TRAPPC3L: variants seen among roughly 807,000 people sequenced by gnomAD.
The protein encoded by TRAPPC3L is trafficking protein particle complex subunit 3-like protein.
TRAPPC3L carries 23 observed loss-of-function variants against 23.7 expected under a neutral mutation model. The ratio of observed to expected loss-of-function variants is 0.97; its 90% confidence interval spans 0.70 to 1.37. The LOEUF (loss-of-function observed/expected upper bound fraction) is 1.37. TRAPPC3L is among the 40% of genes most tolerant of loss of function. The pLI is 0.00. For missense variants in TRAPPC3L, 212 were observed against 216.8 expected (o/e 0.98, Z 0.14); for synonymous variants, 81 against 77.9 (o/e 1.04, Z -0.21).
chr6:116,500,998 G>A (rs1771902531), intron 3 of TRAPPC3L, among the ~76,000 whole-genome samples: 1 of 152,208 alleles, frequency 6.6e-6, no homozygotes, highest in African/African-American at 2.4e-5. Flanking sequence ...TGGACAGTGG[G>A]TGTGGCCCAT....
In TRAPPC3L at chr6:116,532,505, C is replaced by G. The variant is rs772907569; in HGVS notation, c.240+7858G>C. Among the ~76,000 whole-genome samples the G allele has an allele frequency of 3.4e-4, 52 of 152,266 alleles. 1 individual carries two copies. The highest frequency in any genetic ancestry group is 3.3e-3 in the Admixed American group (51 of 15,302). ...AATCCCAAGAATGCTATAAATGATC[C>G]CTCCTTTGGAAAAACTTACAGATCT... On this transcript the variant is annotated intron_variant, in intron 3 of 4. Coordinates refer to ENST00000368602, the MANE Select transcript of TRAPPC3L (RefSeq NM_001139444.3).
intron 3 of TRAPPC3L, among the ~76,000 whole-genome samples, chr6:116,530,155 C>A (rs1229939759): frequency 1.3e-5 from 2 of 151,488 alleles, no homozygotes; most frequent in African/African-American, 4.9e-5. Context: ...ATGAAGGAAG[C>A]CAAATATAAT....
chr6:116,497,105 A>T (rs1268443154), intron 4 of TRAPPC3L, 32 bp from the exon 5 acceptor site: 1 of 1,501,756 alleles, frequency 6.7e-7, no homozygotes, highest in African/African-American at 1.5e-5. Flanking sequence ...GGCCTGTGTC[A>T]TTCAATTAAA....
Position 116,525,150 on chromosome 6 carries a change from T to G in TRAPPC3L, c.240+15213A>C, listed in dbSNP as rs774004674. ...TAACTTTTCAAAGTATGTTCCCTCA[T>G]TTGTAAAATGAGGATGTTGAATTAG... On this transcript the variant is annotated intron_variant, in intron 3 of 4. Coordinates refer to ENST00000368602, the MANE Select transcript of TRAPPC3L (RefSeq NM_001139444.3). Among the ~76,000 whole-genome samples the G allele has an allele frequency of 5.8e-4, 89 of 152,196 alleles. 1 individual carries two copies. The highest frequency in any genetic ancestry group is 1.0e-3 in the Admixed American group (16 of 15,282).
At chr6:116,502,556 C>A (rs1289062023) in intron 3 of TRAPPC3L, among the ~76,000 whole-genome samples, 1 of 152,062 alleles carries the variant, frequency 6.6e-6, no homozygotes, top group Non-Finnish European at 1.5e-5. Context: ...GAAGATCAAC[C>A]CCAAGACACA....
intron 4 of TRAPPC3L, 159 bp from the exon 5 acceptor site, chr6:116,497,232 A>T (rs1771846264): frequency 1.1e-6 from 1 of 873,738 alleles, no homozygotes; most frequent in Admixed American, 3.3e-5. Context: ...TCCTCCGGAG[A>T]TGGTCCAGCT....
In TRAPPC3L at chr6:116,512,289, C is replaced by T; in HGVS notation, c.241-11623G>A. The T allele has an allele frequency of 3.3e-6, 5 of 1,521,904 alleles. No individual in the cohort carries two copies. In the South Asian group the frequency reaches 3.7e-5, roughly 11 times the overall value. 94.3% of individuals were successfully genotyped at this position (1,521,904 alleles called of 1,614,324 possible). On this transcript the variant is annotated intron_variant, in intron 3 of 4. Transcript: ENST00000368602. ...TCTCAGCATGAGCTCGAAGTATTCTCTCTGTGCTCCTTTCAGCCAGGGCTG... is the reference window on the plus strand; with the variant it reads ...TCTCAGCATGAGCTCGAAGTATTCTTTCTGTGCTCCTTTCAGCCAGGGCTG...
At chr6:116,515,970 G>T in intron 3 of TRAPPC3L, 1 of 1,601,418 alleles carries the variant, frequency 6.2e-7, no homozygotes, top group South Asian at 1.1e-5. Context: ...GTCCTTGTGG[G>T]TACTGCCCAC....
intron 3 of TRAPPC3L, among the ~76,000 whole-genome samples, chr6:116,501,385 C>G (rs979388280): frequency 2.6e-5 from 4 of 152,164 alleles, no homozygotes; most frequent in Non-Finnish European, 5.9e-5. Context: ...GTGGAGCCCA[C>G]CGCAGCACAG....
At chr6:116,516,489 C>T (rs1229456801) in intron 3 of TRAPPC3L, 1 of 151,888 alleles carries the variant, frequency 6.6e-6, no homozygotes, top group African/African-American at 2.4e-5. Flanking sequence ...GATCTCAGTT[C>T]TCAAAAATCA....
intron 3 of TRAPPC3L, chr6:116,512,027 C>T (rs1230759086): frequency 6.2e-7 from 1 of 1,613,982 alleles, no homozygotes. Context: ...ATTGGTGGCT[C>T]CAGTGATGTG....
Position 116,539,525 on chromosome 6 carries a change from G to A in TRAPPC3L, c.240+838C>T, listed in dbSNP as rs547240078. Among the ~76,000 whole-genome samples, 38 of 152,192 alleles carry A rather than the reference G, an allele frequency of 2.5e-4. 1 individual carries two copies. Among genetic ancestry groups the A allele is most frequent in the African/African-American group, 9.2e-4 (38 of 41,530 alleles). Reference sequence around the variant, plus strand: ...ACTTAATTTTCTTATCTGGAAAATGGGGATAGTAACTCCAATTCTGCCTAT... The same window carrying A: ...ACTTAATTTTCTTATCTGGAAAATGAGGATAGTAACTCCAATTCTGCCTAT... On this transcript the variant is annotated intron_variant, in intron 3 of 4. Transcript: ENST00000368602.
chr6:116,543,227 G>A, intron 2 of TRAPPC3L, 76 bp downstream of exon 2: 1 of 1,057,492 alleles, frequency 9.5e-7, no homozygotes, highest in Non-Finnish European at 1.4e-6. Flanking sequence ...AGCAAAGGAA[G>A]TCATTAGAGG....
chr6:116,500,145 G>A (rs1187686134), intron 4 of TRAPPC3L, among the ~76,000 whole-genome samples: 1 of 152,156 alleles, frequency 6.6e-6, no homozygotes, highest in East Asian at 1.9e-4. Context: ...AAGGCACTGG[G>A]GCTGTGTGAG....
intron 3 of TRAPPC3L, chr6:116,512,379 A>G: frequency 1.0e-6 from 1 of 958,042 alleles, no homozygotes. Flanking sequence ...CATTGAGACT[A>G]TCTCAGGAAA....
At chr6:116,525,015 G>A (rs1772418857) in intron 3 of TRAPPC3L, among the ~76,000 whole-genome samples, 1 of 152,148 alleles carries the variant, frequency 6.6e-6, no homozygotes. Context: ...AGGCTAAGGT[G>A]GTTATGCCAC....
chr6:116,515,626 A>G (rs1342470527), intron 3 of TRAPPC3L: 2 of 1,612,808 alleles, frequency 1.2e-6, no homozygotes, highest in Admixed American at 3.4e-5. Flanking sequence ...TGATTTGTTC[A>G]GCGTCTTTCT....
intron 3 of TRAPPC3L, among the ~76,000 whole-genome samples, chr6:116,531,896 T>A (rs1299165366): frequency 6.7e-6 from 1 of 149,852 alleles, no homozygotes; most frequent in Non-Finnish European, 1.5e-5. Flanking sequence ...TATTTAATTT[T>A]AAAATATAAT....
chr6:116,531,605 C>T (rs1772729167), intron 3 of TRAPPC3L, among the ~76,000 whole-genome samples: 1 of 152,114 alleles, frequency 6.6e-6, no homozygotes, highest in Non-Finnish European at 1.5e-5. Context: ...AAAGGTCTGA[C>T]ATAAACCAAA....
Sources: allele counts gnomAD v4.1 joint callset (sites outside exome capture counted in the v4.1 genomes callset), GRCh38; gene constraint gnomAD v4.1.1; transcripts MANE v1.5; gene names NCBI Gene and HGNC (gene_info 2026-07-23, HGNC 2026-07-21).